CLUAP1: variants seen among roughly 807,000 people sequenced by gnomAD.
The protein encoded by CLUAP1 is intraflagellar transport 38.
Under a neutral mutation model 55.0 loss-of-function variants are expected in CLUAP1, and 50 were observed. The ratio of observed to expected loss-of-function variants is 0.91; its 90% CI spans 0.72 to 1.15. The LOEUF (loss-of-function observed/expected upper bound fraction) is 1.15. CLUAP1 is among the 50% of genes most tolerant of loss of function. CLUAP1 has a pLI of 0.00. For missense variants in CLUAP1, 530 were observed against 507.6 expected (o/e 1.04, Z -0.42); for synonymous variants, 195 against 175.4 (o/e 1.11, Z -0.88).
intron 8 of CLUAP1, 81 bp downstream of exon 8, chr16:3,523,380 C>A: frequency 1.4e-6 from 2 of 1,444,618 alleles, no homozygotes; most frequent in Admixed American, 2.4e-5. Context: ...TTGTTAATAT[C>A]ATTGTGAAAA....
At chr16:3,500,092 C>T (rs542496161), upstream of CLUAP1, among the ~76,000 whole-genome samples, 338 of 152,372 alleles carry the variant, frequency 2.2e-3, 1 homozygote, top group Non-Finnish European at 4.0e-3. Flanking sequence ...CCTGGCGGGG[C>T]ATCTCCCCAT....
At chr16:3,532,065 C>T (rs1477093526) in intron 10 of CLUAP1, among the ~76,000 whole-genome samples, 3 of 152,042 alleles carry the variant, frequency 2.0e-5, no homozygotes, top group Admixed American at 6.5e-5. Flanking sequence ...TCTCGAACTC[C>T]CAACCTCAGG....
At chr16:3,512,073 C>T (rs2037637677) in intron 4 of CLUAP1, among the ~76,000 whole-genome samples, 1 of 152,022 alleles carries the variant, frequency 6.6e-6, no homozygotes, top group African/African-American at 2.4e-5. Context: ...GTAATCCCAG[C>T]CACTTGGGAG....
At chr16:3,508,806 A>T (rs1488790414) in intron 4 of CLUAP1, among the ~76,000 whole-genome samples, 1 of 152,134 alleles carries the variant, frequency 6.6e-6, no homozygotes, top group African/African-American at 2.4e-5. Flanking sequence ...GCTGTGGAGA[A>T]TAATAAGCTG....
intron 1 of CLUAP1, among the ~76,000 whole-genome samples, chr16:3,502,442 TAAAAAA>T (rs74268721): frequency 7.7e-6 from 1 of 129,964 alleles, no homozygotes; most frequent in Admixed American, 7.8e-5. Flanking sequence ...AGACTGTCTT[TAAAAAA>T]AAAAAAAAAA....
intron 10 of CLUAP1, 36 bp downstream of exon 10, chr16:3,530,711 GC>G: frequency 6.5e-7 from 1 of 1,547,528 alleles, no homozygotes; most frequent in Non-Finnish European, 8.9e-7. Context: ...TCCTCCCTGC[GC>G]CCTGTTTCAC....
intron 9 of CLUAP1, among the ~76,000 whole-genome samples, chr16:3,528,963 G>A (rs1034426824): frequency 2.0e-5 from 3 of 152,070 alleles, no homozygotes; most frequent in African/African-American, 7.2e-5. Flanking sequence ...TTGTGCTGCT[G>A]TAACAGAATA....
chr16:3,506,364 G>A lies in CLUAP1; in HGVS notation c.168G>A (p.Val56=). 3 of 1,614,014 alleles carry A rather than the reference G, an allele frequency of 1.9e-6. No individual in the cohort carries two copies. The highest frequency in any genetic ancestry group is 2.5e-6 in the Non-Finnish European group (3 of 1,179,960). Residue 56 remains valine, a synonymous_variant, in exon 3 of 12, where the codon GTG becomes GTA. Coordinates refer to ENST00000576634, the MANE Select transcript of CLUAP1 (RefSeq NM_015041.3). ...CCCAGACTGACATCCCGCCTGACGT[G>A]GATACTGAACAGGACCGAGTTTTCT... ...YEPQTDIPPD[V]DTEQDRVFFI... is the part of the protein sequence containing the mutation.
At chr16:3,515,142 G>T (rs1220587938) in intron 5 of CLUAP1, among the ~76,000 whole-genome samples, 1 of 151,810 alleles carries the variant, frequency 6.6e-6, no homozygotes, top group Non-Finnish European at 1.5e-5. Context: ...CAAGGAACGT[G>T]GATCACTTGA....
In CLUAP1 at chr16:3,515,496, A is replaced by G. The variant is rs759425350; in HGVS notation, c.496-12A>G. The stretch of plus-strand genomic sequence containing the variant: ...TCTGAAAATATACGTAAATGATTTT[A>G]CTGTTTCCTAGGAAATGAGAACAGA... On this transcript the variant is annotated splice_polypyrimidine_tract_variant and intron_variant, in intron 5 of 11. Transcript: ENST00000576634. 2 of 1,564,732 alleles carry G rather than the reference A, an allele frequency of 1.3e-6. No individual in the cohort carries two copies. The highest frequency in any genetic ancestry group is 1.7e-6 in the Non-Finnish European group (2 of 1,150,980).
At chr16:3,527,623 A>T (rs144031168) in intron 9 of CLUAP1, among the ~76,000 whole-genome samples, 1,999 of 152,184 alleles carry the variant, frequency 0.013, 45 homozygotes, top group African/African-American at 0.045. Context: ...GCCCGCCCGC[A>T]GTTATCCGGA....
chr16:3,512,383 A>G lies in CLUAP1; in HGVS notation c.400A>G (p.Ile134Val), dbSNP rs2037645609. 6.2e-7 allele frequency: 1 copy of G among 1,612,590 alleles called. No homozygotes were observed. The highest frequency in any genetic ancestry group is 2.2e-5 in the East Asian group (1 of 44,870). The change falls in exon 5 of 12, where the codon ATT becomes GTT. Residue 134 changes from isoleucine (I) to valine (V), a missense_variant and splice_region_variant. Coordinates refer to ENST00000576634, the MANE Select transcript of CLUAP1 (RefSeq NM_015041.3). ...TCTGTTTTTGTTATTTTCCTTCCAG[A>G]TTGCAGATTTGAAGGCAGCCAGGCA... is the stretch of plus-strand genomic sequence containing the variant. ...NKFKFDLGSKIADLKAARQLA... is the reference protein window; with the variant it reads ...NKFKFDLGSKVADLKAARQLA...
chr16:3,520,149 G>T, intron 7 of CLUAP1, 113 bp downstream of exon 7: 2 of 1,086,556 alleles, frequency 1.8e-6, no homozygotes, highest in Non-Finnish European at 2.6e-6. Context: ...GGGGCGGGGG[G>T]TTCTCTTGAG....
intron 5 of CLUAP1, among the ~76,000 whole-genome samples, chr16:3,513,545 G>A (rs925739697): frequency 3.3e-5 from 5 of 152,062 alleles, no homozygotes; most frequent in Admixed American, 6.5e-5. Flanking sequence ...CGCCTCCCAG[G>A]TTCAGGTGAT....
intron 7 of CLUAP1, 103 bp downstream of exon 7, chr16:3,520,139 G>T: frequency 8.5e-7 from 1 of 1,183,286 alleles, no homozygotes; most frequent in South Asian, 1.7e-5. Context: ...TCATGAAGCT[G>T]GGGCGGGGGG....
intron 6 of CLUAP1, among the ~76,000 whole-genome samples, chr16:3,519,436 G>A (rs1199268449): frequency 6.6e-6 from 1 of 152,246 alleles, no homozygotes; most frequent in East Asian, 1.9e-4. Context: ...GGTTAGGGCT[G>A]GGACCAGCTG....
chr16:3,518,863 C>T (rs1382688178), intron 6 of CLUAP1, among the ~76,000 whole-genome samples: 2 of 152,170 alleles, frequency 1.3e-5, no homozygotes, highest in Non-Finnish European at 2.9e-5. Flanking sequence ...TAGGCCATTT[C>T]TCTGTGGAGC....
In CLUAP1 at chr16:3,515,682, T is replaced by A; in HGVS notation, c.579+91T>A. ...CCATACAAGACAGAACAAGCTAGGC[T>A]TAGTAACAAGGGATGTGTTAGTGGG... On this transcript the variant is annotated intron_variant, in intron 6 of 11. Transcript: ENST00000576634. 3.6e-6 allele frequency: 3 copies of A among 836,320 alleles called. No homozygotes were observed. The South Asian group carries it at 6.2e-5, about 17-fold the overall frequency. 51.8% of individuals were successfully genotyped at this position (836,320 alleles called of 1,614,324 possible).
chr16:3,506,231 G>A (rs570844189), intron 2 of CLUAP1, 100 bp from the exon 3 acceptor site: 18 of 938,458 alleles, frequency 1.9e-5, no homozygotes, highest in South Asian at 1.7e-4. Context: ...CTTGGAGAGC[G>A]TTGTGTTCCA....
Sources: gnomAD v4.1 joint callset for allele counts (sites outside exome capture counted in the v4.1 genomes callset) on GRCh38, gnomAD v4.1.1 for gene constraint, MANE v1.5 for transcripts, NCBI Gene and HGNC (gene_info 2026-07-23, HGNC 2026-07-21) for gene names.